The following RBM20 variants were observed in gnomAD, a reference collection of about 807,000 sequenced individuals.
RBM20 encodes the protein RNA-binding protein 20.
RBM20 carries 51 observed loss-of-function variants against 110.1 expected under a neutral mutation model. That is an observed-to-expected ratio of 0.46 (90% CI 0.37 to 0.59). The LOEUF is 0.59. RBM20 is among the 20% of genes least tolerant of loss of function. The pLI, the probability that RBM20 is intolerant of heterozygous loss-of-function variation, is 0.00. For missense variants in RBM20, 1,512 were observed against 1,574.9 expected (o/e 0.96, Z 0.68); for synonymous variants, 589 against 618.2 (o/e 0.95, Z 0.70).
intron 1 of RBM20, among the ~76,000 whole-genome samples, chr10:110,658,340 G>A (rs962075901): frequency 6.6e-6 from 1 of 152,142 alleles, no homozygotes; most frequent in African/African-American, 2.4e-5. Context: ...AGTGAATGGC[G>A]CTGTGTTTTA....
chr10:110,672,033 G>T (rs1002702952), intron 1 of RBM20, among the ~76,000 whole-genome samples: 1 of 149,458 alleles, frequency 6.7e-6, no homozygotes, highest in African/African-American at 2.4e-5. Flanking sequence ...ACAAACTTAG[G>T]GGGTATTTTA....
At chr10:110,821,959 G>C in intron 11 of RBM20, 24 bp downstream of exon 11, 1 of 1,550,462 alleles carries the variant, frequency 6.4e-7, no homozygotes, top group Non-Finnish European at 8.7e-7. Flanking sequence ...CTTTCCTCAC[G>C]GGTGGTCGGG....
chr10:110,763,337 G>A (rs1708609249), intron 1 of RBM20, among the ~76,000 whole-genome samples: 1 of 151,984 alleles, frequency 6.6e-6, no homozygotes, highest in African/African-American at 2.4e-5. Context: ...TAAAATAGGA[G>A]AATCTAGTAA....
rs74407384 is a variant in RBM20 at position 110,715,583 on chromosome 10, A to C, written c.192-65218A>C. ...TTATGCTGTAGCCACAAAACCCCAG[A>C]GGTTTAATACAACAAAAATTTTATT... On this transcript the variant is annotated intron_variant, in intron 1 of 13. Coordinates refer to ENST00000369519, the MANE Select transcript of RBM20 (RefSeq NM_001134363.3). 8.9e-4 allele frequency among the ~76,000 whole-genome samples: 135 copies of C among 152,358 alleles called. 1 individual carries two copies. The East Asian group carries it at 0.021, about 24-fold the overall frequency.
Position 110,663,003 on chromosome 10 carries a change from C to T in RBM20, c.191+18358C>T, listed in dbSNP as rs150594074. 2.2e-3 allele frequency among the ~76,000 whole-genome samples: 331 copies of T among 152,078 alleles called. 1 individual carries two copies. The highest frequency in any genetic ancestry group is 7.3e-3 in the African/African-American group (302 of 41,484). On this transcript the variant is annotated intron_variant, in intron 1 of 13. Coordinates refer to ENST00000369519, the MANE Select transcript of RBM20 (RefSeq NM_001134363.3). Reference sequence around the variant, plus strand: ...TTTTTAAGACAGAGTCTCACACTGTCGCCCAGGCTGGAGTTCAATGGCACG... The same window carrying T: ...TTTTTAAGACAGAGTCTCACACTGTTGCCCAGGCTGGAGTTCAATGGCACG...
intron 1 of RBM20, among the ~76,000 whole-genome samples, chr10:110,654,900 C>A (rs149496099): frequency 6.6e-6 from 1 of 152,308 alleles, no homozygotes; most frequent in East Asian, 1.9e-4. Flanking sequence ...TGTGTGCCAG[C>A]CACTATTCTA....
chr10:110,778,149 A>C (rs1177193491), intron 1 of RBM20, among the ~76,000 whole-genome samples: 3 of 152,192 alleles, frequency 2.0e-5, no homozygotes, highest in Non-Finnish European at 1.5e-5. Context: ...CCGGCTCCCC[A>C]AAGGAGAACA....
intron 13 of RBM20, 109 bp from the exon 14 acceptor site, chr10:110,835,759 T>C: frequency 8.8e-7 from 1 of 1,140,540 alleles, no homozygotes; most frequent in South Asian, 1.6e-5. Flanking sequence ...CCCCCACAGC[T>C]GGGCACAGAT....
intron 1 of RBM20, among the ~76,000 whole-genome samples, chr10:110,730,968 C>T (rs1367478665): frequency 6.6e-6 from 1 of 152,220 alleles, no homozygotes; most frequent in Non-Finnish European, 1.5e-5. Flanking sequence ...GTACTGGCCC[C>T]ATTAGAAACC....
At position 110,799,656 on chromosome 10, in the gene RBM20, G is replaced by A. The variant is rs7086886; in HGVS notation, c.1669-131G>A. The A allele has an allele frequency of 0.18, 154,384 of 849,436 alleles. 14,676 individuals carry two copies. Among genetic ancestry groups the A allele is most frequent in the Middle Eastern group, 0.24 (829 of 3,464 alleles). The allele number at this position is 849,436 out of a possible 1,614,324, so 52.6% of individuals were successfully genotyped here. A position where few individuals can be genotyped will look rare whatever the true frequency, so the allele number is the denominator to read the frequency against. ...TCCCCACCTGAGAGAGAAGCTCAAT[G>A]CTAACTCCTGTCACCGTTGATTAGT... On this transcript the variant is annotated intron_variant, in intron 6 of 13. Transcript: ENST00000369519.
intron 7 of RBM20, 65 bp downstream of exon 7, chr10:110,799,983 G>A (rs1844602021): frequency 6.9e-7 from 1 of 1,440,660 alleles, no homozygotes; most frequent in South Asian, 1.2e-5. Flanking sequence ...CTCCGTGTTA[G>A]GCACTGACCT....
intron 9 of RBM20, among the ~76,000 whole-genome samples, chr10:110,819,149 G>A (rs1356977494): frequency 6.6e-6 from 1 of 152,202 alleles, no homozygotes; most frequent in African/African-American, 2.4e-5. Flanking sequence ...CCCTCAGAAA[G>A]CCCAGGAGTA....
chr10:110,834,560 T>C (rs1166463929), intron 13 of RBM20, among the ~76,000 whole-genome samples: 1 of 152,204 alleles, frequency 6.6e-6, no homozygotes, highest in African/African-American at 2.4e-5. Context: ...CATTACTGAG[T>C]GTTTATTCTG....
intron 1 of RBM20, among the ~76,000 whole-genome samples, chr10:110,740,108 C>T (rs1163772409): frequency 7.9e-5 from 12 of 152,244 alleles, no homozygotes; most frequent in Non-Finnish European, 5.9e-5. Flanking sequence ...AGGCCAGGGC[C>T]AGGGCAGGAA....
At chr10:110,804,530 T>C (rs1276873864) in intron 7 of RBM20, among the ~76,000 whole-genome samples, 1 of 152,212 alleles carries the variant, frequency 6.6e-6, no homozygotes, top group Non-Finnish European at 1.5e-5. Context: ...TTTCCTCTCT[T>C]GAATATTTCT....
intron 1 of RBM20, among the ~76,000 whole-genome samples, chr10:110,729,894 C>T (rs1176482953): frequency 3.3e-5 from 5 of 152,190 alleles, no homozygotes; most frequent in Non-Finnish European, 7.3e-5. Flanking sequence ...CGGCTCACTG[C>T]GACCTACGCC....
At position 110,739,831 on chromosome 10, in the gene RBM20, A is replaced by G. The variant is rs1431274150; in HGVS notation, c.192-40970A>G. Among the ~76,000 whole-genome samples, 2 of 152,226 alleles carry G rather than the reference A, an allele frequency of 1.3e-5. No homozygotes were observed. The highest frequency in any genetic ancestry group is 1.5e-5 in the Non-Finnish European group (1 of 68,048). On this transcript the variant is annotated intron_variant, in intron 1 of 13. Transcript: ENST00000369519. This position sits in a 1 kb window ranked among gnomAD's most constrained non-coding sequence, Gnocchi z 4.1. ...GGGTGATTGTTGCGGTCATGAAGGCATGAGGCTTCTGTGCGACCTGGGTGA... is the reference window on the plus strand; with the variant it reads ...GGGTGATTGTTGCGGTCATGAAGGCGTGAGGCTTCTGTGCGACCTGGGTGA...
At chr10:110,728,156 G>T (rs944186151) in intron 1 of RBM20, among the ~76,000 whole-genome samples, 2 of 152,164 alleles carry the variant, frequency 1.3e-5, no homozygotes, top group Admixed American at 1.3e-4. Flanking sequence ...TAATCCTTTA[G>T]GTATATACCC....
intron 1 of RBM20, among the ~76,000 whole-genome samples, chr10:110,702,739 C>A (rs1862778058): frequency 6.6e-6 from 1 of 152,198 alleles, no homozygotes; most frequent in African/African-American, 2.4e-5. Flanking sequence ...TGGATCCAGA[C>A]TGCTTATGTT....
Sources: allele counts gnomAD v4.1 joint callset (sites outside exome capture counted in the v4.1 genomes callset), GRCh38; gene constraint gnomAD v4.1.1; non-coding constraint Gnocchi (gnomAD v3.1); transcripts MANE v1.5; gene names NCBI Gene and HGNC (gene_info 2026-07-23, HGNC 2026-07-21).